OVOL2: variants seen among roughly 807,000 people sequenced by gnomAD.
OVOL2 encodes the protein transcription factor Ovo-like 2.
A neutral mutation model predicts 18.1 loss-of-function variants in OVOL2; 13 were observed. That is an observed-to-expected ratio of 0.72 (90% CI 0.47 to 1.14). OVOL2 has a LOEUF of 1.14. Ranked by LOEUF, OVOL2 falls within the 50% of genes most tolerant of loss-of-function variation. OVOL2 has a pLI of 0.00. For missense variants in OVOL2, 335 were observed against 383.0 expected (o/e 0.87, Z 1.05); for synonymous variants, 166 against 162.7 (o/e 1.02, Z -0.16).
chr20:18,025,002 G>A, intron 3 of OVOL2, 50 bp from the exon 4 acceptor site: 1 of 1,559,444 alleles, frequency 6.4e-7, no homozygotes, highest in South Asian at 1.2e-5. Context: ...GGCCAAGCCA[G>A]AACCACCCAA....
intron 2 of OVOL2, among the ~76,000 whole-genome samples, chr20:18,049,284 G>T (rs2036751211): frequency 6.6e-6 from 1 of 152,182 alleles, no homozygotes; most frequent in Admixed American, 6.5e-5. Flanking sequence ...CCTTCGGCTG[G>T]CCCTCTGACC....
At chr20:18,037,973 T>TTCC (rs1238302372) in intron 3 of OVOL2, among the ~76,000 whole-genome samples, 2 of 152,182 alleles carry the variant, frequency 1.3e-5, no homozygotes, top group Admixed American at 1.3e-4. Flanking sequence ...AGCAACGCTC[T>TTCC]TCCTCCTTCT....
intron 2 of OVOL2, among the ~76,000 whole-genome samples, chr20:18,046,771 C>G (rs987097248): frequency 6.6e-6 from 1 of 152,126 alleles, no homozygotes; most frequent in Non-Finnish European, 1.5e-5. Flanking sequence ...CACTGGAGCA[C>G]CTTTATTTTG....
chr20:18,028,312 G>A (rs912882167), intron 3 of OVOL2, among the ~76,000 whole-genome samples: 1 of 151,574 alleles, frequency 6.6e-6, no homozygotes, highest in Non-Finnish European at 1.5e-5. Flanking sequence ...AAGTAGCTGC[G>A]ACTACAGGTG....
At chr20:18,036,773 G>A (rs2036618442) in intron 3 of OVOL2, among the ~76,000 whole-genome samples, 3 of 152,070 alleles carry the variant, frequency 2.0e-5, no homozygotes, top group Admixed American at 6.6e-5. Context: ...GCTGAAGTGT[G>A]CACTTTGTGC....
intron 3 of OVOL2, among the ~76,000 whole-genome samples, chr20:18,039,420 G>C (rs903140500): frequency 3.3e-5 from 5 of 151,998 alleles, no homozygotes; most frequent in Non-Finnish European, 1.5e-5. Context: ...CCAGGAGTTT[G>C]AGACCAGCCT....
chr20:18,039,167 G>A (rs1368964713), intron 3 of OVOL2, among the ~76,000 whole-genome samples: 3 of 152,186 alleles, frequency 2.0e-5, no homozygotes, highest in African/African-American at 7.2e-5. Flanking sequence ...GACTGAGAGG[G>A]GTAGTGACTT....
At chr20:18,035,820 T>G (rs1053157924) in intron 3 of OVOL2, among the ~76,000 whole-genome samples, 1 of 152,226 alleles carries the variant, frequency 6.6e-6, no homozygotes, top group Non-Finnish European at 1.5e-5. Context: ...GATTAAAATT[T>G]TTAAAGGTTA....
rs1302429108 is a variant in OVOL2, at chr20:18,024,697, C to T, written c.767G>A (p.Gly256Asp). Reference sequence around the variant, plus strand: ...CTCCTGGTGTGCGGATGTCAGCTTGCCCTGCAGAAGGGCTGCCAGTTTTTT... The same window carrying T: ...CTCCTGGTGTGCGGATGTCAGCTTGTCCTGCAGAAGGGCTGCCAGTTTTTT... ...TSKKLAALLQ[G>D]KLTSAHQENT... is the part of the protein sequence containing the mutation. The change falls in exon 4 of 4, where the codon GGC becomes GAC. Residue 256 changes from glycine (G) to aspartate (D), a missense_variant. Coordinates refer to ENST00000278780, the MANE Select transcript of OVOL2 (RefSeq NM_021220.4). 2 of 1,614,058 alleles carry T rather than the reference C, an allele frequency of 1.2e-6. No homozygotes were observed. Among genetic ancestry groups the T allele is most frequent in the Non-Finnish European group, 1.7e-6 (2 of 1,179,980 alleles).
chr20:18,058,054 C>T (rs1022153769), upstream of OVOL2, among the ~76,000 whole-genome samples: 3 of 152,192 alleles, frequency 2.0e-5, no homozygotes, highest in Admixed American at 1.3e-4. Flanking sequence ...GTCTGTTCTT[C>T]CCCCTCCTCT....
At chr20:18,053,081 G>A (rs1339373726) in intron 2 of OVOL2, among the ~76,000 whole-genome samples, 1 of 152,188 alleles carries the variant, frequency 6.6e-6, no homozygotes, top group African/African-American at 2.4e-5. Context: ...ACCGTCAAAA[G>A]GCAGGTAGGC....
At chr20:18,031,621 G>A (rs920680453) in intron 3 of OVOL2, among the ~76,000 whole-genome samples, 5 of 152,156 alleles carry the variant, frequency 3.3e-5, no homozygotes, top group Admixed American at 6.6e-5. Context: ...CTGGGTACAT[G>A]AGTATTTCGC....
intron 3 of OVOL2, among the ~76,000 whole-genome samples, chr20:18,038,839 G>A (rs1164900120): frequency 1.3e-5 from 2 of 152,072 alleles, no homozygotes; most frequent in African/African-American, 4.8e-5. Flanking sequence ...CTGGGGTCAG[G>A]AGGAAAGCCC....
chr20:18,025,462 G>A (rs947952681), intron 3 of OVOL2, among the ~76,000 whole-genome samples: 2 of 152,078 alleles, frequency 1.3e-5, no homozygotes, highest in South Asian at 2.1e-4. Flanking sequence ...CCAGCAACTC[G>A]GGAGGCTGAG....
At position 18,024,870 on chromosome 20, in the gene OVOL2, A is replaced by G. The variant is rs146165493; in HGVS notation, c.594T>C (p.His198=). Residue 198 remains histidine (H), a synonymous_variant, in exon 4 of 4, where the codon CAT becomes CAC. Coordinates refer to ENST00000278780, the MANE Select transcript of OVOL2 (RefSeq NM_021220.4). The part of the protein sequence containing the change: ...CSLESHLKKI[H]GVQQQYAYKQ... ...TATAGGCATACTGCTGCTGCACCCC[A>G]TGGATTTTCTTCAGGTGGGACTCCA... 7 of 1,614,176 alleles carry G rather than the reference A, an allele frequency of 4.3e-6. No individual in the cohort carries two copies. Among genetic ancestry groups the G allele is most frequent in the African/African-American group, 2.7e-5 (2 of 75,024 alleles).
At chr20:18,027,357 G>T (rs143069112) in intron 3 of OVOL2, among the ~76,000 whole-genome samples, 1 of 151,788 alleles carries the variant, frequency 6.6e-6, no homozygotes. Flanking sequence ...GCGAAACCCC[G>T]TCTCTACTAA....
chr20:18,039,989 A>G (rs1218629154), intron 3 of OVOL2, among the ~76,000 whole-genome samples: 1 of 152,072 alleles, frequency 6.6e-6, no homozygotes, highest in Non-Finnish European at 1.5e-5. Flanking sequence ...CAGTGGCACA[A>G]TCATAGCTCA....
chr20:18,024,450 G>T lies in OVOL2; in HGVS notation c.*186C>A. 7.7e-7 allele frequency: 1 copy of T among 1,300,108 alleles called. No homozygotes were observed. Among genetic ancestry groups the T allele is most frequent in the South Asian group, 1.7e-5 (1 of 59,866 alleles). The allele number at this position is 1,300,108 out of a possible 1,614,324, so 80.5% of individuals were successfully genotyped here. A position where few individuals can be genotyped will look rare whatever the true frequency, so the allele number is the denominator to read the frequency against. ...GCGCCAGACAGGACACAGGTTACAG[G>T]GCCTGACGTCACTAACGGCAACTGA... On this transcript the variant is annotated 3_prime_UTR_variant, in exon 4 of 4. Transcript: ENST00000278780.
At chr20:18,047,853 CAAAAAAAAAAA>C (rs34668253) in intron 2 of OVOL2, among the ~76,000 whole-genome samples, 2 of 47,150 alleles carry the variant, frequency 4.2e-5, no homozygotes, top group Non-Finnish European at 7.4e-5. Context: ...GACTCCGTCT[CAAAAAAAAAAA>C]AAAAAAAAAA....
Sources: allele counts gnomAD v4.1 joint callset (sites outside exome capture counted in the v4.1 genomes callset), GRCh38; gene constraint gnomAD v4.1.1; transcripts MANE v1.5; gene names NCBI Gene and HGNC (gene_info 2026-07-23, HGNC 2026-07-21).